The following PIK3C2G variants were observed in gnomAD, a reference collection of about 807,000 sequenced individuals.
The protein encoded by PIK3C2G is phosphatidylinositol-4-phosphate 3-kinase catalytic subunit type 2 gamma.
A neutral mutation model predicts 181.1 loss-of-function variants in PIK3C2G; 168 were observed. The ratio of observed to expected loss-of-function variants is 0.93; its 90% CI spans 0.82 to 1.05. The LOEUF (loss-of-function observed/expected upper bound fraction) is 1.05, where lower values mean the gene tolerates loss of function less well. PIK3C2G is among the 50% of genes least tolerant of loss of function. PIK3C2G has a pLI of 0.00. For synonymous variants in PIK3C2G, 573 were observed against 592.2 expected (o/e 0.97, Z 0.47); for missense variants, 1,869 against 1,732.8 (o/e 1.08, Z -1.40).
In PIK3C2G at chr12:18,351,560, T is replaced by C. The variant is rs12311219; in HGVS notation, c.1625+4724T>C. Reference sequence around the variant, plus strand: ...TAGTACTTACTATTAACTGAGCACATTCTGTGAGTTTTGCGCTGGGAAAAA... The same window carrying C: ...TAGTACTTACTATTAACTGAGCACACTCTGTGAGTTTTGCGCTGGGAAAAA... On this transcript the variant is annotated intron_variant, in intron 11 of 32. Transcript: ENST00000538779. 4.0e-3 allele frequency among the ~76,000 whole-genome samples: 609 copies of C among 152,290 alleles called. 1 individual carries two copies. The highest frequency in any genetic ancestry group is 0.014 in the African/African-American group (565 of 41,564).
intron 13 of PIK3C2G, among the ~76,000 whole-genome samples, chr12:18,376,573 T>C (rs1942453491): frequency 6.6e-6 from 1 of 152,158 alleles, no homozygotes; most frequent in African/African-American, 2.4e-5. Flanking sequence ...GAAGGCATGA[T>C]TGTATTTTGC....
At chr12:18,420,801 T>C in intron 16 of PIK3C2G, 140 bp from the exon 17 acceptor site, 1 of 541,526 alleles carries the variant, frequency 1.8e-6, no homozygotes, top group Non-Finnish European at 3.3e-6. Context: ...TATTTGGTGC[T>C]AATATTACCT....
intron 12 of PIK3C2G, among the ~76,000 whole-genome samples, chr12:18,366,323 A>G (rs1941637719): frequency 1.3e-5 from 2 of 152,190 alleles, no homozygotes; most frequent in Non-Finnish European, 2.9e-5. Flanking sequence ...ATTTGAGGTC[A>G]GGAGTTCAAG....
At position 18,290,943 on chromosome 12, in the gene PIK3C2G, T is replaced by C; in HGVS notation, c.850T>C (p.Ser284Pro). Residue 284 changes from serine (S) to proline (P), a missense_variant, in exon 4 of 33, where the codon TCT becomes CCT. Physicochemically the swap from Ser to Pro is moderately conservative, Grantham distance 74. Coordinates refer to ENST00000538779, the MANE Select transcript of PIK3C2G (RefSeq NM_001288772.2). The part of the protein sequence containing the change: ...TTTAFPYQLF[S>P]KTKFNIHIFI... ...TACAGCATTTCCGTATCAGCTCTTT[T>C]CTAAGACCAAGTTTAATATACATAT... 1 of 1,591,518 alleles carries C rather than the reference T, an allele frequency of 6.3e-7. No individual in the cohort carries two copies. Among genetic ancestry groups the C allele is most frequent in the Non-Finnish European group, 8.6e-7 (1 of 1,159,640 alleles).
intron 6 of PIK3C2G, among the ~76,000 whole-genome samples, chr12:18,316,014 T>A (rs944890255): frequency 6.6e-6 from 1 of 152,040 alleles, no homozygotes; most frequent in African/African-American, 2.4e-5. Flanking sequence ...TTATATATTA[T>A]ATTATGATGG....
chr12:18,721,479 T>TA, the PIK3C2G span, among the ~76,000 whole-genome samples: 13 of 152,040 alleles, frequency 8.6e-5, no homozygotes, highest in Non-Finnish European at 8.8e-5. Context: ...ATATTGTAGT[T>TA]AAAATGCAAA....
rs766154642 is a variant in PIK3C2G at position 18,496,174 on chromosome 12, A to G, written c.2886+20A>G. On this transcript the variant is annotated intron_variant, in intron 21 of 32. Coordinates refer to ENST00000538779, the MANE Select transcript of PIK3C2G (RefSeq NM_001288772.2). ...TTTAAGGTATGGTAGCGCTCTTAAA[A>G]CATGAATTGATTCCATACACAGAAC... The G allele has an allele frequency of 1.5e-6, 2 of 1,341,308 alleles. No homozygotes were observed. The highest frequency in any genetic ancestry group is 5.0e-5 in the East Asian group (2 of 39,992). 83.1% of individuals were successfully genotyped at this position (1,341,308 alleles called of 1,614,324 possible). A position where few individuals can be genotyped will look rare whatever the true frequency, so the allele number is the denominator to read the frequency against.
At chr12:18,529,871 C>G (rs1397744373) in intron 24 of PIK3C2G, among the ~76,000 whole-genome samples, 2 of 152,104 alleles carry the variant, frequency 1.3e-5, no homozygotes, top group African/African-American at 2.4e-5. Context: ...GGGGGAAAGA[C>G]AGCCTAGAGC....
intron 18 of PIK3C2G, among the ~76,000 whole-genome samples, chr12:18,428,126 T>A (rs1945944658): frequency 6.6e-6 from 1 of 151,846 alleles, no homozygotes; most frequent in African/African-American, 2.4e-5. Flanking sequence ...AAATTAAGAA[T>A]CAGGCAACAT....
intron 29 of PIK3C2G, among the ~76,000 whole-genome samples, chr12:18,580,076 T>C (rs1407288083): frequency 2.0e-5 from 3 of 149,896 alleles, no homozygotes; most frequent in Non-Finnish European, 3.0e-5. Context: ...GAGGTTGCAG[T>C]GAGCCGAGTT....
At chr12:18,477,207 C>A (rs1158961161) in intron 18 of PIK3C2G, among the ~76,000 whole-genome samples, 2 of 152,130 alleles carry the variant, frequency 1.3e-5, no homozygotes, top group Non-Finnish European at 2.9e-5. Flanking sequence ...AAGGCCCTGT[C>A]TCTACATTCA....
intron 30 of PIK3C2G, among the ~76,000 whole-genome samples, chr12:18,598,989 C>A: frequency 6.7e-6 from 1 of 149,848 alleles, no homozygotes; most frequent in African/African-American, 2.4e-5. Context: ...ATTAAAAAGT[C>A]AGGAAACAAC....
Position 18,278,701 on chromosome 12 carries a change from G to A in PIK3C2G, c.-78-3303G>A, listed in dbSNP as rs147241896. Among the ~76,000 whole-genome samples, 615 of 152,184 alleles carry A rather than the reference G, an allele frequency of 4.0e-3. 5 individuals are homozygous for A. Among genetic ancestry groups the A allele is most frequent in the Admixed American group, 0.016 (242 of 15,270 alleles). ...TGTAGTTCTGTTTCAAAGTCGAAGT[G>A]TATGACTTTTAATTATTTTATACAT... On this transcript the variant is annotated intron_variant, in intron 1 of 32. Coordinates refer to ENST00000538779, the MANE Select transcript of PIK3C2G (RefSeq NM_001288772.2).
intron 5 of PIK3C2G, among the ~76,000 whole-genome samples, chr12:18,310,007 AT>A (rs1359613475): frequency 2.0e-5 from 3 of 151,904 alleles, no homozygotes; most frequent in African/African-American, 7.2e-5. Context: ...GTGATGAAGT[AT>A]GAGTGAAGAA....
chr12:18,371,216 G>A lies in PIK3C2G; in HGVS notation c.1785G>A (p.Arg595=), dbSNP rs190731372. 8.1e-5 allele frequency: 130 copies of A among 1,610,806 alleles called. No individual in the cohort carries two copies. The highest frequency in any genetic ancestry group is 1.0e-4 in the Non-Finnish European group (123 of 1,178,210). The part of the protein sequence containing the change: ...NFPLEIKSLP[R]ESMLTVKLFG... Reference sequence around the variant, plus strand: ...CCCTTGAAATAAAGTCACTTCCAAGGGAATCCATGCTCACTGTAAAACTGT... The same window carrying A: ...CCCTTGAAATAAAGTCACTTCCAAGAGAATCCATGCTCACTGTAAAACTGT... Residue 595 remains arginine (R), a synonymous_variant, in exon 13 of 33, where the codon AGG becomes AGA. Transcript: ENST00000538779.
intron 20 of PIK3C2G, 52 bp from the exon 21 acceptor site, chr12:18,496,010 T>G: frequency 1.1e-6 from 1 of 932,490 alleles, no homozygotes; most frequent in South Asian, 1.8e-5. Context: ...TTTTTGGGGA[T>G]TGGGGTCTGA....
intron 11 of PIK3C2G, among the ~76,000 whole-genome samples, chr12:18,351,976 T>C (rs1245703190): frequency 6.6e-6 from 1 of 152,192 alleles, no homozygotes; most frequent in Non-Finnish European, 1.5e-5. Context: ...GCAAGTACAC[T>C]CTGGGATGTT....
chr12:18,594,056 C>T (rs1343433355), intron 29 of PIK3C2G, among the ~76,000 whole-genome samples: 2 of 151,830 alleles, frequency 1.3e-5, no homozygotes, highest in Non-Finnish European at 2.9e-5. Context: ...CAGTACTCAG[C>T]GAGTATTCCT....
In PIK3C2G at chr12:18,466,068, C is replaced by T. The variant is rs189754862; in HGVS notation, c.2505-22381C>T. ...CTGTGTGTATATGTGTATTTATGTG[C>T]GTGTGTGTGTATTTGCATGTGTGTA... is the stretch of plus-strand genomic sequence containing the variant. On this transcript the variant is annotated intron_variant, in intron 18 of 32. Transcript: ENST00000538779. Among the ~76,000 whole-genome samples the T allele has an allele frequency of 4.0e-3, 606 of 150,858 alleles. 5 individuals are homozygous for T. The highest frequency in any genetic ancestry group is 0.014 in the African/African-American group (574 of 41,248).
Sources: gnomAD v4.1 joint callset for allele counts (sites outside exome capture counted in the v4.1 genomes callset) on GRCh38, gnomAD v4.1.1 for gene constraint, MANE v1.5 for transcripts, NCBI Gene and HGNC (gene_info 2026-07-23, HGNC 2026-07-21) for gene names.